RBFOX1: variants seen among roughly 807,000 people sequenced by gnomAD.
RBFOX1 encodes the protein RNA binding protein fox-1 homolog 1.
A neutral mutation model predicts 57.7 loss-of-function variants in RBFOX1; 8 were observed. The observed-to-expected ratio is 0.14, with a 90% confidence interval of 0.08 to 0.25. The LOEUF (loss-of-function observed/expected upper bound fraction) is 0.25. Ranked by LOEUF, RBFOX1 falls within the 10% of genes least tolerant of loss-of-function variation. The probability of loss-of-function intolerance (pLI) is 1.00; values close to 1 mark genes in which losing one functional copy is unlikely to be tolerated. For synonymous variants in RBFOX1, 326 were observed against 222.4 expected (o/e 1.47, Z -4.15); for missense variants, 611 against 548.5 (o/e 1.11, Z -1.14).
intron 2 of RBFOX1, among the ~76,000 whole-genome samples, chr16:5,490,234 A>C (rs1291798427): frequency 6.6e-6 from 1 of 152,232 alleles, no homozygotes; most frequent in South Asian, 2.1e-4. Context: ...AAGGGCTACA[A>C]CTACCAGTTA....
At chr16:5,901,993 T>C (rs1483806409) in intron 4 of RBFOX1, among the ~76,000 whole-genome samples, 4 of 152,216 alleles carry the variant, frequency 2.6e-5, no homozygotes, top group African/African-American at 7.2e-5. Flanking sequence ...TGATACTACC[T>C]GTAACTTCCC....
At chr16:6,488,419 C>T (rs780927684) in intron 2 of RBFOX1, among the ~76,000 whole-genome samples, 2 of 152,188 alleles carry the variant, frequency 1.3e-5, no homozygotes, top group African/African-American at 4.8e-5. Flanking sequence ...ATGCCGATTT[C>T]TTCCCGGGCA....
At chr16:7,164,940 A>G (rs536238449) in intron 4 of RBFOX1, among the ~76,000 whole-genome samples, 5 of 152,312 alleles carry the variant, frequency 3.3e-5, no homozygotes, top group African/African-American at 1.2e-4. Flanking sequence ...CAACTGGAAT[A>G]GGATATGGAG....
chr16:6,891,980 C>T (rs773563646), intron 3 of RBFOX1, among the ~76,000 whole-genome samples: 1 of 152,136 alleles, frequency 6.6e-6, no homozygotes, highest in Non-Finnish European at 1.5e-5. Flanking sequence ...GCATTTTGAT[C>T]CTGCTTACTG....
At chr16:6,658,947 T>TTTTTG (rs1241684151) in intron 3 of RBFOX1, among the ~76,000 whole-genome samples, 36 of 149,742 alleles carry the variant, frequency 2.4e-4, no homozygotes, top group East Asian at 1.4e-3. Context: ...TTTTTTTTGT[T>TTTTTG]TTTTTTTTTC....
At chr16:6,724,696 G>T (rs922332994) in intron 3 of RBFOX1, among the ~76,000 whole-genome samples, 1 of 152,080 alleles carries the variant, frequency 6.6e-6, no homozygotes, top group Non-Finnish European at 1.5e-5. Flanking sequence ...ACATTTAAGA[G>T]TTCAGATTAG....
At chr16:6,167,362 C>A (rs1350056664) in intron 1 of RBFOX1, among the ~76,000 whole-genome samples, 2 of 152,176 alleles carry the variant, frequency 1.3e-5, no homozygotes, top group Non-Finnish European at 2.9e-5. Context: ...CTTCAGCTTG[C>A]CTTCGATTTT....
At chr16:7,037,862 G>T (rs1175043900) in intron 3 of RBFOX1, among the ~76,000 whole-genome samples, 1 of 152,158 alleles carries the variant, frequency 6.6e-6, no homozygotes, top group African/African-American at 2.4e-5. Context: ...CAAGATGACT[G>T]CCCAGATAAG....
chr16:7,155,273 T>G (rs1202215407), intron 4 of RBFOX1, among the ~76,000 whole-genome samples: 5 of 152,008 alleles, frequency 3.3e-5, no homozygotes, highest in Admixed American at 6.6e-5. Flanking sequence ...AGTTCCAGAA[T>G]AGCAAGTCTT....
At position 6,778,536 on chromosome 16, in the gene RBFOX1, G is replaced by A. The variant is rs548436225; in HGVS notation, c.-16+123886G>A. 2.6e-5 allele frequency among the ~76,000 whole-genome samples: 4 copies of A among 152,034 alleles called. No individual in the cohort carries two copies. In the South Asian group the frequency reaches 8.3e-4, roughly 32 times the overall value. On this transcript the variant is annotated intron_variant, in intron 3 of 15. Coordinates refer to ENST00000550418, the MANE Select transcript of RBFOX1 (RefSeq NM_018723.4). ...TCCCTAAGATGATTAATATCTGATC[G>A]CTGTTCAGATTTTCCCAGTTATCTT...
At chr16:5,509,901 C>T (rs2043520945) in intron 2 of RBFOX1, among the ~76,000 whole-genome samples, 1 of 152,212 alleles carries the variant, frequency 6.6e-6, no homozygotes, top group Admixed American at 6.5e-5. Context: ...TGGAGGATCC[C>T]TTGAAGAGAG....
chr16:7,153,711 C>T, intron 4 of RBFOX1, among the ~76,000 whole-genome samples: 1 of 109,540 alleles, frequency 9.1e-6, no homozygotes, highest in East Asian at 2.7e-4. Flanking sequence ...AGCCTGGTGA[C>T]AGTGAGACAG....
chr16:5,817,627 G>C (rs1015885070), intron 3 of RBFOX1, among the ~76,000 whole-genome samples: 1 of 151,700 alleles, frequency 6.6e-6, no homozygotes, highest in Non-Finnish European at 1.5e-5. Context: ...AGAGGGGAGA[G>C]AGAAAGGGGT....
chr16:6,614,284 C>T (rs982534866), intron 2 of RBFOX1, among the ~76,000 whole-genome samples: 2 of 151,976 alleles, frequency 1.3e-5, no homozygotes, highest in East Asian at 1.9e-4. Context: ...GAAAGAATCC[C>T]TTCTGAGTCT....
intron 3 of RBFOX1, among the ~76,000 whole-genome samples, chr16:6,815,594 T>A (rs2089894808): frequency 6.6e-6 from 1 of 152,240 alleles, no homozygotes; most frequent in Admixed American, 6.5e-5. Flanking sequence ...GTCATTAATC[T>A]CATTTTACCA....
chr16:5,909,778 G>A (rs570736806), intron 4 of RBFOX1, among the ~76,000 whole-genome samples: 19 of 152,146 alleles, frequency 1.2e-4, no homozygotes, highest in Non-Finnish European at 2.4e-4. Context: ...GTGGCTGGGC[G>A]TGGTGGCTCA....
chr16:7,376,247 G>T (rs1596834576), intron 4 of RBFOX1, among the ~76,000 whole-genome samples: 1 of 152,026 alleles, frequency 6.6e-6, no homozygotes, highest in East Asian at 1.9e-4. Context: ...TGATAAACAG[G>T]GCATTATATT....
At chr16:5,766,395 G>A (rs998795915) in intron 3 of RBFOX1, among the ~76,000 whole-genome samples, 4 of 152,104 alleles carry the variant, frequency 2.6e-5, no homozygotes, top group Admixed American at 6.5e-5. Flanking sequence ...GACCATCCTG[G>A]CCAACATGAC....
Position 6,966,767 on chromosome 16 carries a change from C to A in RBFOX1, c.-15-85290C>A, listed in dbSNP as rs1303221970. On this transcript the variant is annotated intron_variant, in intron 3 of 15. Coordinates refer to ENST00000550418, the MANE Select transcript of RBFOX1 (RefSeq NM_018723.4). The stretch of plus-strand genomic sequence containing the variant: ...TGCCTCTATCTGTCTGTCTGTCTAT[C>A]TATCTATCTATCTATCTATCTATCT... Among the ~76,000 whole-genome samples the A allele has an allele frequency of 1.7e-4, 4 of 23,666 alleles. No homozygotes were observed. The South Asian group carries it at 4.3e-3, about 25-fold the overall frequency. 15.5% of individuals were successfully genotyped at this position (23,666 alleles called of 152,430 possible). A position where few individuals can be genotyped will look rare whatever the true frequency, so the allele number is the denominator to read the frequency against.
Sources: allele counts gnomAD v4.1 joint callset (sites outside exome capture counted in the v4.1 genomes callset), GRCh38; gene constraint gnomAD v4.1.1; transcripts MANE v1.5; gene names NCBI Gene and HGNC (gene_info 2026-07-23, HGNC 2026-07-21).